Variants in GSPT1 observed in about 807,000 individuals in gnomAD.
The protein encoded by GSPT1 is eukaryotic peptide chain release factor GTP-binding subunit ERF3A.
GSPT1 carries 20 observed loss-of-function variants against 72.5 expected under a neutral mutation model. The ratio of observed to expected loss-of-function variants is 0.28; its 90% CI spans 0.19 to 0.40. The LOEUF (loss-of-function observed/expected upper bound fraction) is 0.40. Ranked by LOEUF, GSPT1 falls within the 10% of genes least tolerant of loss-of-function variation. GSPT1 has a pLI of 1.00. For missense variants in GSPT1, 580 were observed against 811.9 expected (o/e 0.71, Z 3.47); for synonymous variants, 334 against 293.5 (o/e 1.14, Z -1.41).
intron 6 of GSPT1, among the ~76,000 whole-genome samples, chr16:11,889,633 G>C (rs12925740): frequency 0.46 from 69,644 of 151,152 alleles, 17,323 homozygotes; most frequent in East Asian, 0.76. Flanking sequence ...TCAGCCCCCC[G>C]AGTAGCTGGG....
intron 1 of GSPT1, 21 bp downstream of exon 1, chr16:11,915,348 T>A: frequency 6.9e-7 from 1 of 1,440,990 alleles, no homozygotes; most frequent in Non-Finnish European, 9.1e-7. Context: ...CCGGACTTCC[T>A]CCCGCGTCCC....
intron 11 of GSPT1, chr16:11,882,569 G>C (rs2054134344): frequency 6.5e-6 from 1 of 153,280 alleles, no homozygotes; most frequent in African/African-American, 2.4e-5. Flanking sequence ...GATGACTCAA[G>C]TCTGTGGTCC....
At chr16:11,885,081 G>GA (rs2054171488) in intron 10 of GSPT1, 100 bp downstream of exon 10, 3 of 637,010 alleles carry the variant, frequency 4.7e-6, no homozygotes, top group South Asian at 1.7e-5. Flanking sequence ...AAAAAAACAA[G>GA]AAAGAAAAGA....
intron 1 of GSPT1, among the ~76,000 whole-genome samples, chr16:11,914,401 C>G (rs998320466): frequency 1.4e-4 from 21 of 152,176 alleles, no homozygotes; most frequent in African/African-American, 5.1e-4. Context: ...TAAGCAACCC[C>G]TAAGTACGGG....
intron 1 of GSPT1, among the ~76,000 whole-genome samples, chr16:11,914,503 T>A (rs1455641991): frequency 1.3e-5 from 2 of 152,210 alleles, no homozygotes; most frequent in African/African-American, 4.8e-5. Context: ...TGAGAACTAT[T>A]AAATTATAAC....
At chr16:11,912,575 T>G (rs2054574130) in intron 1 of GSPT1, among the ~76,000 whole-genome samples, 1 of 152,196 alleles carries the variant, frequency 6.6e-6, no homozygotes, top group African/African-American at 2.4e-5. Context: ...AAAGGTGGGA[T>G]GATGCAAAGA....
At chr16:11,898,739 C>T (rs1400397118) in intron 1 of GSPT1, among the ~76,000 whole-genome samples, 5 of 152,030 alleles carry the variant, frequency 3.3e-5, no homozygotes, top group Non-Finnish European at 7.4e-5. Flanking sequence ...CTTGAGCCAC[C>T]GCATCCAGCC....
chr16:11,889,631 C>CG lies in GSPT1; in HGVS notation c.776+1430_776+1431insC, dbSNP rs1442338534. On this transcript the variant is annotated intron_variant, in intron 6 of 14. Transcript: ENST00000434724. ...CAAGTGATTCTCCTGCCTCAGCCCCCCGAGTAGCTGGGATTAGAGCATGCG... is the reference window on the plus strand; with the variant it reads ...CAAGTGATTCTCCTGCCTCAGCCCCCGCGAGTAGCTGGGATTAGAGCATGCG... Among the ~76,000 whole-genome samples the CG allele has an allele frequency of 3.9e-5, 6 of 152,020 alleles. No individual in the cohort carries two copies. In the East Asian group the frequency reaches 9.8e-4, roughly 25 times the overall value.
In GSPT1 at chr16:11,914,844, G is replaced by C. The variant is rs530694512; in HGVS notation, c.352+525C>G. The C allele has an allele frequency of 1.2e-5, 5 of 401,626 alleles. No individual in the cohort carries two copies. The East Asian group carries it at 2.6e-4, about 21-fold the overall frequency. 24.9% of individuals were successfully genotyped at this position (401,626 alleles called of 1,614,324 possible). ...ATGCATCTTGGGATTCCTTCAGGAC[G>C]GTTGGGGGCCACGGACAGTTTAAAC... On this transcript the variant is annotated intron_variant, in intron 1 of 14. Transcript: ENST00000434724.
chr16:11,914,984 C>A (rs562474601), intron 1 of GSPT1: 71 of 1,286,712 alleles, frequency 5.5e-5, no homozygotes, highest in Non-Finnish European at 7.2e-5. Context: ...TCTCTAAACG[C>A]CCACCCAAAT....
At chr16:11,902,404 CAAA>C (rs775362322) in intron 1 of GSPT1, among the ~76,000 whole-genome samples, 7 of 61,564 alleles carry the variant, frequency 1.1e-4, no homozygotes, top group Non-Finnish European at 8.8e-5. Flanking sequence ...GACTCTGTCT[CAAA>C]AAAAAAAAAA....
At chr16:11,892,840 A>AAAAG (rs2054285598) in intron 5 of GSPT1, among the ~76,000 whole-genome samples, 2 of 148,568 alleles carry the variant, frequency 1.3e-5, no homozygotes, top group East Asian at 1.9e-4. Flanking sequence ...AAAAAAAAAA[A>AAAAG]AAAAAAAAAA....
At chr16:11,901,289 C>A (rs981270741) in intron 1 of GSPT1, among the ~76,000 whole-genome samples, 2 of 152,146 alleles carry the variant, frequency 1.3e-5, no homozygotes, top group African/African-American at 4.8e-5. Flanking sequence ...ACTAATGAGC[C>A]TGGGCTTAGA....
intron 1 of GSPT1, among the ~76,000 whole-genome samples, chr16:11,900,878 TG>T (rs1180210786): frequency 9.9e-5 from 15 of 151,996 alleles, no homozygotes. Context: ...AAGTTGCAAA[TG>T]GGTTGGGCAT....
At chr16:11,888,191 C>A (rs898120795) in intron 6 of GSPT1, among the ~76,000 whole-genome samples, 1 of 150,942 alleles carries the variant, frequency 6.6e-6, no homozygotes, top group Non-Finnish European at 1.5e-5. Flanking sequence ...TAGGGCTGGG[C>A]GCAGTGGCTC....
intron 1 of GSPT1, among the ~76,000 whole-genome samples, chr16:11,901,988 T>C (rs1179523006): frequency 1.3e-5 from 2 of 149,958 alleles, no homozygotes; most frequent in African/African-American, 2.5e-5. Flanking sequence ...CCCAGCTACT[T>C]GGGAGGCTGA....
At position 11,891,653 on chromosome 16, in the gene GSPT1, C is replaced by T. The variant is rs192855868; in HGVS notation, c.699-514G>A. ...CTGGGATTACAGGCGTGAGCCACCACGCCTGGCCATATTTTTTTTTTTTTT... is the reference window on the plus strand; with the variant it reads ...CTGGGATTACAGGCGTGAGCCACCATGCCTGGCCATATTTTTTTTTTTTTT... On this transcript the variant is annotated intron_variant, in intron 5 of 14. Coordinates refer to ENST00000434724, the MANE Select transcript of GSPT1 (RefSeq NM_002094.4). Among the ~76,000 whole-genome samples, 200 of 149,914 alleles carry T rather than the reference C, an allele frequency of 1.3e-3. 2 individuals carry two copies. The highest frequency in any genetic ancestry group is 4.6e-3 in the African/African-American group (189 of 40,846).
intron 1 of GSPT1, among the ~76,000 whole-genome samples, chr16:11,910,520 G>C (rs185850125): frequency 6.6e-6 from 1 of 152,116 alleles, no homozygotes; most frequent in African/African-American, 2.4e-5. Context: ...CCAGAAATTC[G>C]CATTTCTGGA....
intron 6 of GSPT1, among the ~76,000 whole-genome samples, chr16:11,890,090 A>T (rs1176273904): frequency 6.6e-6 from 1 of 151,004 alleles, no homozygotes; most frequent in African/African-American, 2.4e-5. Context: ...CCTTCCAAGT[A>T]GCTGGGACTA....
Sources: allele counts gnomAD v4.1 joint callset (sites outside exome capture counted in the v4.1 genomes callset), GRCh38; gene constraint gnomAD v4.1.1; transcripts MANE v1.5; gene names NCBI Gene and HGNC (gene_info 2026-07-23, HGNC 2026-07-21).